The following KAT14 variants were observed in gnomAD, a reference collection of about 807,000 sequenced individuals.
KAT14 encodes cysteine-rich protein 2-binding protein.
KAT14 carries 66 observed loss-of-function variants against 78.4 expected under a neutral mutation model. The ratio of observed to expected loss-of-function variants is 0.84; its 90% CI spans 0.69 to 1.03. KAT14 has a LOEUF of 1.03. Ranked by LOEUF, KAT14 falls within the 50% of genes least tolerant of loss-of-function variation. The probability of loss-of-function intolerance (pLI) is 0.00; values close to 1 mark genes in which losing one functional copy is unlikely to be tolerated. For missense variants in KAT14, 870 were observed against 972.5 expected (o/e 0.89, Z 1.40); for synonymous variants, 344 against 359.4 (o/e 0.96, Z 0.48).
intron 4 of KAT14, among the ~76,000 whole-genome samples, chr20:18,153,498 C>T (rs956701535): frequency 3.9e-5 from 6 of 152,096 alleles, no homozygotes; most frequent in Admixed American, 1.3e-4. Context: ...TCATGATCTT[C>T]GAGTGCTGTC....
Position 18,142,269 on chromosome 20 carries a change from G to A in KAT14, c.-392G>A, listed in dbSNP as rs1282739903. 2.6e-6 allele frequency: 4 copies of A among 1,537,162 alleles called. No homozygotes were observed. The highest frequency in any genetic ancestry group is 2.0e-5 in the Admixed American group (1 of 50,974). On this transcript the variant is annotated 5_prime_UTR_variant, in exon 2 of 11. Coordinates refer to ENST00000688188, the MANE Select transcript of KAT14 (RefSeq NM_001392073.1). ...CAAATTCGGAAAAAAGAAAACATTC[G>A]TCTTTTGGGAGAACAGATTATTTTG...
At chr20:18,138,137 C>T in intron 1 of KAT14, 86 bp downstream of exon 1, 2 of 1,361,444 alleles carry the variant, frequency 1.5e-6, no homozygotes, top group South Asian at 1.7e-5. Flanking sequence ...CTCGGTTCCT[C>T]AGCTCCTCTT....
At chr20:18,148,043 T>C (rs2037889311) in intron 3 of KAT14, among the ~76,000 whole-genome samples, 2 of 152,206 alleles carry the variant, frequency 1.3e-5, no homozygotes, top group African/African-American at 2.4e-5. Context: ...TCTAGTTGCA[T>C]CTGAAAAAGC....
chr20:18,174,669 A>AT (rs11481085), intron 7 of KAT14, among the ~76,000 whole-genome samples: 65,888 of 138,736 alleles, frequency 0.47, 16,445 homozygotes, highest in East Asian at 0.91. Flanking sequence ...TTTTTTTTTT[A>AT]TTTTTTTTTT....
intron 10 of KAT14, among the ~76,000 whole-genome samples, chr20:18,185,109 C>G (rs2039411728): frequency 6.6e-6 from 1 of 152,230 alleles, no homozygotes; most frequent in Non-Finnish European, 1.5e-5. Flanking sequence ...GTAGTAGCTA[C>G]TGCTCTTAGG....
rs117121059 is a variant in KAT14 at position 18,155,479 on chromosome 20, G to A, written c.501-3605G>A. The stretch of plus-strand genomic sequence containing the variant: ...AAAATAAGCCTGTTTTCCAAATACT[G>A]GGTATTTGTGCTCTGATCACTGATT... On this transcript the variant is annotated intron_variant, in intron 4 of 10. Coordinates refer to ENST00000688188, the MANE Select transcript of KAT14 (RefSeq NM_001392073.1). Among the ~76,000 whole-genome samples, 265 of 152,208 alleles carry A rather than the reference G, an allele frequency of 1.7e-3. 1 individual carries two copies. The highest frequency in any genetic ancestry group is 3.4e-3 in the Middle Eastern group (1 of 292).
chr20:18,162,867 A>G lies in KAT14; in HGVS notation c.1590A>G (p.Gly530=). The stretch of plus-strand genomic sequence containing the variant: ...ACGGGATTTATGGAGCCAAAGAAGG[A>G]GGAATTTCCAGACTTCCAGCTGGAC... ...LVDGIYGAKE[G]GISRLPAGQA... The change falls in exon 7 of 11, where the codon GGA becomes GGG. Residue 530 remains glycine (G), a synonymous_variant. Coordinates refer to ENST00000688188, the MANE Select transcript of KAT14 (RefSeq NM_001392073.1). The G allele has an allele frequency of 6.2e-7, 1 of 1,614,190 alleles. No individual in the cohort carries two copies. The highest frequency in any genetic ancestry group is 1.3e-5 in the African/African-American group (1 of 75,048).
intron 4 of KAT14, among the ~76,000 whole-genome samples, chr20:18,157,448 AT>A (rs1477634939): frequency 7.2e-5 from 11 of 152,138 alleles, no homozygotes; most frequent in Non-Finnish European, 1.3e-4. Flanking sequence ...CTGTTTGTTT[AT>A]TGCAGTAAAA....
intron 7 of KAT14, among the ~76,000 whole-genome samples, chr20:18,177,221 G>T (rs374054180): frequency 3.9e-5 from 6 of 152,238 alleles, no homozygotes; most frequent in East Asian, 3.9e-4. Context: ...ATTAACCTGA[G>T]AGCTAGTTTG....
At chr20:18,177,234 A>G (rs1320989052) in intron 7 of KAT14, among the ~76,000 whole-genome samples, 1 of 152,104 alleles carries the variant, frequency 6.6e-6, no homozygotes, top group East Asian at 1.9e-4. Flanking sequence ...CTAGTTTGGG[A>G]TTGGAATGAC....
intron 4 of KAT14, among the ~76,000 whole-genome samples, chr20:18,151,746 G>A (rs924859201): frequency 5.9e-5 from 9 of 151,578 alleles, no homozygotes; most frequent in African/African-American, 2.2e-4. Context: ...GCTCATGCCT[G>A]TAATCCCAGC....
intron 4 of KAT14, among the ~76,000 whole-genome samples, chr20:18,158,771 C>T (rs2038310136): frequency 6.6e-6 from 1 of 152,142 alleles, no homozygotes; most frequent in Non-Finnish European, 1.5e-5. Flanking sequence ...ATTCCATAAT[C>T]GTGATGATTG....
At chr20:18,140,810 CTCCT>C (rs1181136472) in intron 1 of KAT14, among the ~76,000 whole-genome samples, 1 of 119,920 alleles carries the variant, frequency 8.3e-6, no homozygotes, top group Non-Finnish European at 1.7e-5. Flanking sequence ...CAGAACGAGA[CTCCT>C]TCTCAAAAAA....
rs1249822958 is a variant in KAT14 at position 18,184,521 on chromosome 20, A to G, written c.1982-81A>G. 9.0e-6 allele frequency: 11 copies of G among 1,227,528 alleles called. No individual in the cohort carries two copies. The East Asian group carries it at 1.7e-4, about 19-fold the overall frequency. 76.0% of individuals were successfully genotyped at this position (1,227,528 alleles called of 1,614,324 possible). A position where few individuals can be genotyped will look rare whatever the true frequency, so the allele number is the denominator to read the frequency against. Reference sequence around the variant, plus strand: ...TTTTTTTTAGCATGCAGGTGTAGCTATATGTACATGCTGAACAGCTTGGTG... The same window carrying G: ...TTTTTTTTAGCATGCAGGTGTAGCTGTATGTACATGCTGAACAGCTTGGTG... On this transcript the variant is annotated intron_variant, in intron 9 of 10. Transcript: ENST00000688188.
At chr20:18,161,550 T>C (rs767930774) in intron 5 of KAT14, among the ~76,000 whole-genome samples, 2 of 152,314 alleles carry the variant, frequency 1.3e-5, no homozygotes, top group South Asian at 2.1e-4. Flanking sequence ...TGAGTAGTTA[T>C]TTTAAAATTT....
intron 3 of KAT14, among the ~76,000 whole-genome samples, chr20:18,145,670 A>G (rs2037800269): frequency 6.6e-6 from 1 of 151,910 alleles, no homozygotes; most frequent in Admixed American, 6.6e-5. Flanking sequence ...AATCCCAACT[A>G]CCTGGGAGAC....
rs746527378 is a variant in KAT14 at position 18,183,125 on chromosome 20, G to A, written c.1808G>A (p.Arg603His). 40 of 1,604,474 alleles carry A rather than the reference G, an allele frequency of 2.5e-5. No individual in the cohort carries two copies. Among genetic ancestry groups the A allele is most frequent in the Admixed American group, 3.5e-5 (2 of 57,960 alleles). The change falls in exon 9 of 11, where the codon CGT becomes CAT. Residue 603 changes from arginine to histidine, a missense_variant and splice_region_variant. Arg to His is a conservative substitution (Grantham distance 29). Transcript: ENST00000688188. The part of the protein sequence containing the change: ...TSRILKPYIR[R>H]DYETKPPKLQ... ...GTTTATCTTCTGTGGTACCGGAGGC[G>A]TGATTATGAAACAAAGCCACCCAAA...
chr20:18,142,542 G>T lies in KAT14; in HGVS notation c.-119G>T. 1 of 1,504,788 alleles carries T rather than the reference G, an allele frequency of 6.6e-7. No individual in the cohort carries two copies. Among genetic ancestry groups the T allele is most frequent in the East Asian group, 2.4e-5 (1 of 41,816 alleles). 93.2% of individuals were successfully genotyped at this position (1,504,788 alleles called of 1,614,324 possible). On this transcript the variant is annotated 5_prime_UTR_variant, in exon 2 of 11. Transcript: ENST00000688188. The stretch of plus-strand genomic sequence containing the variant: ...CCCTTATATCTGAATAAAGGAGTGT[G>T]GGCAGACACTTTTTGGAAGAGTCTG...
intron 9 of KAT14, 114 bp from the exon 10 acceptor site, chr20:18,184,485 GTTT>G (rs374086894): frequency 7.0e-3 from 4,158 of 595,364 alleles, no homozygotes; most frequent in East Asian, 9.1e-3. Context: ...CAGTTTTGGT[GTTT>G]TTTTTTTTTT....
Sources: gnomAD v4.1 joint callset for allele counts (sites outside exome capture counted in the v4.1 genomes callset) on GRCh38, gnomAD v4.1.1 for gene constraint, MANE v1.5 for transcripts, NCBI Gene and HGNC (gene_info 2026-07-23, HGNC 2026-07-21) for gene names.